Variants in TRPM1 observed in about 807,000 individuals in gnomAD.
TRPM1 encodes TRPM1-203 APA Isoform, Intron 10.
TRPM1 carries 113 observed loss-of-function variants against 149.4 expected under a neutral mutation model. The observed-to-expected ratio is 0.76, with a 90% CI of 0.65 to 0.88. The LOEUF is 0.88. Ranked by LOEUF, TRPM1 falls within the 40% of genes least tolerant of loss-of-function variation. The pLI is 0.00. For missense variants in TRPM1, 1,976 were observed against 2,038.7 expected (o/e 0.97, Z 0.59); for synonymous variants, 741 against 759.5 (o/e 0.98, Z 0.40).
upstream of TRPM1, among the ~76,000 whole-genome samples, chr15:31,103,173 G>A (rs551938396): frequency 6.6e-6 from 1 of 152,312 alleles, no homozygotes; most frequent in South Asian, 2.1e-4. Flanking sequence ...TCCAGGCAGT[G>A]GGCCCTTCAC....
At chr15:31,034,600 A>G (rs1420262829) in intron 21 of TRPM1, among the ~76,000 whole-genome samples, 1 of 152,236 alleles carries the variant, frequency 6.6e-6, no homozygotes, top group Non-Finnish European at 1.5e-5. Context: ...ACCTGAAGCC[A>G]CACCTCACTT....
chr15:31,053,976 A>G (rs749060994), intron 11 of TRPM1, among the ~76,000 whole-genome samples: 2 of 152,238 alleles, frequency 1.3e-5, no homozygotes, highest in African/African-American at 2.4e-5. Context: ...GAAATAAGCC[A>G]GTCACAAAAG....
intron 2 of TRPM1, 66 bp from the exon 3 acceptor site, chr15:31,077,050 T>C (rs561642021): frequency 2.6e-5 from 28 of 1,061,908 alleles, no homozygotes; most frequent in Non-Finnish European, 3.3e-5. Flanking sequence ...AGTCCATTCT[T>C]ATACCTTTAT....
chr15:31,083,416 C>A (rs1019383346), intron 1 of TRPM1, among the ~76,000 whole-genome samples: 1 of 152,144 alleles, frequency 6.6e-6, no homozygotes, highest in East Asian at 1.9e-4. Flanking sequence ...GATGTGGGAA[C>A]GCTGGCTGGT....
chr15:31,088,401 A>G (rs1328128010), intron 1 of TRPM1, among the ~76,000 whole-genome samples: 1 of 152,204 alleles, frequency 6.6e-6, no homozygotes, highest in South Asian at 2.1e-4. Flanking sequence ...TGCTGCAAGC[A>G]GAAAGTGTCT....
chr15:31,091,242 G>A (rs1030511402), intron 1 of TRPM1, among the ~76,000 whole-genome samples: 1 of 152,214 alleles, frequency 6.6e-6, no homozygotes, highest in African/African-American at 2.4e-5. Context: ...GACACAATGA[G>A]ACAGAGATGC....
At position 31,028,389 on chromosome 15, in the gene TRPM1, G is replaced by A. The variant is rs565655187; in HGVS notation, c.3236C>T (p.Ala1079Val). The A allele has an allele frequency of 2.3e-5, 37 of 1,614,084 alleles. No individual in the cohort carries two copies. In the South Asian group the frequency reaches 3.2e-4, roughly 14 times the overall value. The change falls in exon 25 of 28, where the codon GCG becomes GTG. Residue 1079 changes from alanine to valine, a missense_variant. This residue lies in a region of TRPM1 where 72 missense variants were observed against 112.7 expected (regional missense o/e 0.64). Transcript: ENST00000256552. Reference protein sequence around the residue: ...PGAWLTPALMACYLLVANILL... With the variant: ...PGAWLTPALMVCYLLVANILL... ...GATGTTGGCGACCAGTAGATAGCAC[G>A]CCATGAGTGCTGGAGTGAGCCAGGC...
chr15:31,149,721 G>A (rs372971843), intron 1 of TRPM1, among the ~76,000 whole-genome samples: 146 of 152,032 alleles, frequency 9.6e-4, no homozygotes, highest in Non-Finnish European at 1.6e-3. Flanking sequence ...GGGTTTCACC[G>A]TGTTAGCCAG....
At chr15:31,020,799 A>C (rs1020736970) in intron 27 of TRPM1, among the ~76,000 whole-genome samples, 3 of 152,136 alleles carry the variant, frequency 2.0e-5, no homozygotes, top group Non-Finnish European at 4.4e-5. Context: ...AGGATACTGC[A>C]TGCTTGTCTC....
At chr15:31,138,546 A>G (rs1300286487) in intron 1 of TRPM1, among the ~76,000 whole-genome samples, 3 of 146,752 alleles carry the variant, frequency 2.0e-5, no homozygotes, top group Non-Finnish European at 4.5e-5. Context: ...TGTCTAATTA[A>G]CAAACAGGTT....
At position 31,060,626 on chromosome 15, in the gene TRPM1, G is replaced by A. The variant is rs746919753; in HGVS notation, c.1181C>T (p.Pro394Leu). 3 of 1,614,126 alleles carry A rather than the reference G, an allele frequency of 1.9e-6. No individual in the cohort carries two copies. The highest frequency in any genetic ancestry group is 2.5e-6 in the Non-Finnish European group (3 of 1,180,006). Residue 394 changes from proline (P) to leucine (L), a missense_variant, in exon 11 of 28, where the codon CCA (proline) becomes CTA (leucine). Physicochemically the swap from Pro to Leu is moderately conservative, Grantham distance 98. Around this residue, in one of 3 missense-constraint regions of TRPM1, gnomAD observed 1,332 missense variants for 1,347.1 expected, o/e 0.99. Coordinates refer to ENST00000256552, the MANE Select transcript of TRPM1 (RefSeq NM_001252024.2). Reference sequence around the variant, plus strand: ...AGCCAGTGCCAAGCTCAGCTGATCTGGAGCAGATACGTTTGTTCCTGGAAA... The same window carrying A: ...AGCCAGTGCCAAGCTCAGCTGATCTAGAGCAGATACGTTTGTTCCTGGAAA... Reference protein sequence around the residue: ...ALLKGTNVSAPDQLSLALAWN... With the variant: ...ALLKGTNVSALDQLSLALAWN...
intron 1 of TRPM1, among the ~76,000 whole-genome samples, chr15:31,154,402 T>C (rs1395199846): frequency 6.6e-6 from 1 of 152,230 alleles, no homozygotes; most frequent in Non-Finnish European, 1.5e-5. Flanking sequence ...GTCTCCTCCT[T>C]CTGTGAGACA....
At chr15:31,132,785 T>G (rs1159953724) in intron 1 of TRPM1, among the ~76,000 whole-genome samples, 2 of 152,210 alleles carry the variant, frequency 1.3e-5, no homozygotes, top group Non-Finnish European at 2.9e-5. Context: ...GGCGGGTTTT[T>G]CCTGCGCTGT....
chr15:31,015,788 G>A (rs1595979162), intron 27 of TRPM1, among the ~76,000 whole-genome samples: 1 of 151,882 alleles, frequency 6.6e-6, no homozygotes, highest in African/African-American at 2.4e-5. Context: ...TTCCATCCAT[G>A]GCAGCCCTTA....
At position 31,002,814 on chromosome 15, in the gene TRPM1, G is replaced by C. The variant is rs761825403; in HGVS notation, c.3886C>G (p.Arg1296Gly). ...AACTCTTCTCCGTTAAAATGATATC[G>C]ATACAAGCTGTAGCCATCAGCGCTA... is the stretch of plus-strand genomic sequence containing the variant. ...INSADGYSLY[R>G]YHFNGEELLF... The change falls in exon 28 of 28, where the codon CGA becomes GGA. Residue 1296 changes from arginine to glycine, a missense_variant. Arg to Gly is a moderately radical substitution (Grantham distance 125). This residue lies in a region of TRPM1 where 572 missense variants were observed against 578.9 expected (regional missense o/e 0.99). Transcript: ENST00000256552. 1 of 1,614,132 alleles carries C rather than the reference G, an allele frequency of 6.2e-7. No homozygotes were observed. The highest frequency in any genetic ancestry group is 8.5e-7 in the Non-Finnish European group (1 of 1,180,028).
rs182483929 is a variant in TRPM1, at chr15:31,017,820, C to A, written c.3629+8319G>T. ...CATTCAAATAATAGGTATGGCAATA[C>A]CTGAATTTGTGGAACTTTTGCATTA... On this transcript the variant is annotated intron_variant, in intron 27 of 27. Coordinates refer to ENST00000256552, the MANE Select transcript of TRPM1 (RefSeq NM_001252024.2). Among the ~76,000 whole-genome samples the A allele has an allele frequency of 4.0e-3, 604 of 152,248 alleles. 5 individuals are homozygous for A. The highest frequency in any genetic ancestry group is 0.014 in the Middle Eastern group (4 of 294).
At chr15:31,046,291 G>C in intron 15 of TRPM1, 58 bp from the exon 16 acceptor site, 3 of 1,491,412 alleles carry the variant, frequency 2.0e-6, no homozygotes, top group African/African-American at 2.9e-5. Context: ...AATGTTAGTA[G>C]TACATTAGCA....
rs543202406 is a variant in TRPM1, at chr15:31,002,084, C to A, written c.4616G>T (p.Arg1539Leu). The change falls in exon 28 of 28, where the codon CGA (arginine) becomes CTA (leucine). Residue 1539 changes from arginine to leucine, a missense_variant. Arg to Leu is a moderately radical substitution (Grantham distance 102). Coordinates refer to ENST00000256552, the MANE Select transcript of TRPM1 (RefSeq NM_001252024.2). ...DEHHVAEAIP[R>L]IPRLSLTITD... ...AATGGTTAGGGACAAGCGAGGGATT[C>A]GAGGAATTGCTTCAGCGACATGGTG... 1 of 1,614,214 alleles carries A rather than the reference C, an allele frequency of 6.2e-7. No homozygotes were observed. The highest frequency in any genetic ancestry group is 1.1e-5 in the South Asian group (1 of 91,084).
chr15:31,031,457 A>G (rs1018127777), intron 22 of TRPM1: 35 of 482,668 alleles, frequency 7.3e-5, no homozygotes, highest in African/African-American at 6.5e-4. Context: ...AAATGGAGAA[A>G]GGGAAGAATT....
Sources: gnomAD v4.1 joint callset for allele counts (sites outside exome capture counted in the v4.1 genomes callset) on GRCh38, gnomAD v4.1.1 for gene constraint, gnomAD v4.1.1 regional missense constraint, MANE v1.5 for transcripts, NCBI Gene and HGNC (gene_info 2026-07-23, HGNC 2026-07-21) for gene names.